NEGR1: variants seen among roughly 807,000 people sequenced by gnomAD.
NEGR1 encodes neuronal growth regulator 1, also known as IgLON family member 4.
A neutral mutation model predicts 40.9 loss-of-function variants in NEGR1; 10 were observed. The ratio of observed to expected loss-of-function variants is 0.24; its 90% CI spans 0.15 to 0.42. The LOEUF is 0.42. Among genes scored for constraint, NEGR1 ranks in the 10% least tolerant of loss-of-function variants. The probability of loss-of-function intolerance (pLI) is 1.00; values close to 1 mark genes in which losing one functional copy is unlikely to be tolerated. For synonymous variants in NEGR1, 185 were observed against 166.8 expected, an observed-to-expected ratio of 1.11 and a Z score of -0.84; for missense variants, 352 against 438.9, an observed-to-expected ratio of 0.80 and a Z score of 1.77.
intron 4 of NEGR1, among the ~76,000 whole-genome samples, chr1:71,627,352 C>T (rs572482421): frequency 1.3e-5 from 2 of 152,108 alleles, no homozygotes; most frequent in East Asian, 1.9e-4. Context: ...ACATGTAACA[C>T]TATATAACTA....
chr1:72,270,622 C>T (rs1204383951), intron 1 of NEGR1, among the ~76,000 whole-genome samples: 2 of 151,896 alleles, frequency 1.3e-5, no homozygotes, highest in Non-Finnish European at 2.9e-5. Flanking sequence ...CACAAATGTT[C>T]ATCTTCATCC....
chr1:72,201,070 ATC>A (rs1464535438), intron 1 of NEGR1, among the ~76,000 whole-genome samples: 1 of 151,600 alleles, frequency 6.6e-6, no homozygotes, highest in Non-Finnish European at 1.5e-5. Context: ...TCACTTGAAA[ATC>A]TCTCTCATTT....
chr1:71,988,783 A>G (rs11805353), intron 1 of NEGR1, among the ~76,000 whole-genome samples: 1 of 151,572 alleles, frequency 6.6e-6, no homozygotes, highest in Non-Finnish European at 1.5e-5. Context: ...GAGAACAAAC[A>G]CCTGCCACAG....
chr1:71,597,981 A>G (rs1762737), intron 5 of NEGR1, among the ~76,000 whole-genome samples: 5,390 of 152,256 alleles, frequency 0.035, 322 homozygotes, highest in African/African-American at 0.12. Context: ...AAATCGACAC[A>G]CAGAAAACTT....
intron 1 of NEGR1, among the ~76,000 whole-genome samples, chr1:72,020,396 G>C (rs1646746550): frequency 6.6e-6 from 1 of 152,106 alleles, no homozygotes; most frequent in South Asian, 2.1e-4. Context: ...CTAAAAAGTA[G>C]CACCTTTGGT....
At chr1:71,731,016 T>A (rs1163572215) in intron 3 of NEGR1, among the ~76,000 whole-genome samples, 3 of 151,946 alleles carry the variant, frequency 2.0e-5, no homozygotes, top group Non-Finnish European at 4.4e-5. Flanking sequence ...ATTACTGGGC[T>A]TTTTACTTTT....
chr1:71,777,035 A>C (rs192162308), intron 2 of NEGR1, among the ~76,000 whole-genome samples: 1 of 152,170 alleles, frequency 6.6e-6, no homozygotes, highest in Admixed American at 6.5e-5. Context: ...CTGATGTATT[A>C]GACTAGAGAA....
intron 1 of NEGR1, chr1:72,274,845 C>T: frequency 1.3e-6 from 2 of 1,567,362 alleles, no homozygotes; most frequent in Non-Finnish European, 8.8e-7. Context: ...TCCTCAGCCA[C>T]CCCATCAAGA....
intron 1 of NEGR1, among the ~76,000 whole-genome samples, chr1:72,059,655 C>G (rs1353449742): frequency 1.3e-5 from 2 of 151,532 alleles, no homozygotes; most frequent in African/African-American, 4.8e-5. Context: ...TTACAAGTAA[C>G]AAAATAAAAC....
Position 71,872,148 on chromosome 1 carries a change from C to T in NEGR1, c.409+62931G>A, listed in dbSNP as rs182696869. On this transcript the variant is annotated intron_variant, in intron 2 of 6. Coordinates refer to ENST00000357731, the MANE Select transcript of NEGR1 (RefSeq NM_173808.3). The stretch of plus-strand genomic sequence containing the variant: ...AATTGCTTAAAAGTTTCTAAATTAA[C>T]CTTATGATAATATTATGATTAAATA... Among the ~76,000 whole-genome samples the T allele has an allele frequency of 3.9e-5, 6 of 152,196 alleles. No homozygotes were observed. In the East Asian group the frequency reaches 1.2e-3, roughly 29 times the overall value.
At chr1:72,072,481 G>GAC (rs1304163430) in intron 1 of NEGR1, among the ~76,000 whole-genome samples, 2 of 152,128 alleles carry the variant, frequency 1.3e-5, no homozygotes, top group African/African-American at 4.8e-5. Context: ...TTTATTTGCA[G>GAC]ACAGACCTGC....
At chr1:72,242,808 C>A (rs1020492612) in intron 1 of NEGR1, among the ~76,000 whole-genome samples, 1 of 151,554 alleles carries the variant, frequency 6.6e-6, no homozygotes, top group Non-Finnish European at 1.5e-5. Flanking sequence ...TGCAAAGTCA[C>A]TAATTAATAA....
At chr1:71,741,855 G>C (rs1655223171) in intron 3 of NEGR1, among the ~76,000 whole-genome samples, 1 of 152,118 alleles carries the variant, frequency 6.6e-6, no homozygotes, top group South Asian at 2.1e-4. Flanking sequence ...GAGCAAGAGA[G>C]AGCAAGGAGC....
At chr1:71,548,628 A>G (rs1647978170) in intron 6 of NEGR1, among the ~76,000 whole-genome samples, 1 of 151,680 alleles carries the variant, frequency 6.6e-6, no homozygotes, top group Non-Finnish European at 1.5e-5. Flanking sequence ...GCAACGTTTC[A>G]TCTCATATGC....
intron 2 of NEGR1, among the ~76,000 whole-genome samples, chr1:71,825,260 T>C (rs1658578201): frequency 6.6e-6 from 1 of 151,992 alleles, no homozygotes; most frequent in Non-Finnish European, 1.5e-5. Flanking sequence ...CTTCTTTTCA[T>C]ATGTAAATCA....
chr1:72,039,234 G>T (rs2100453196), intron 1 of NEGR1, among the ~76,000 whole-genome samples: 1 of 152,138 alleles, frequency 6.6e-6, no homozygotes, highest in Non-Finnish European at 1.5e-5. Context: ...GAAGGAATGT[G>T]AATATTGTGC....
chr1:71,419,373 A>T (rs1646377979), intron 6 of NEGR1, among the ~76,000 whole-genome samples: 2 of 152,220 alleles, frequency 1.3e-5, no homozygotes, highest in Admixed American at 1.3e-4. Context: ...TTGGATAAAT[A>T]TATCTGTTGA....
At chr1:71,621,483 A>G (rs990741927) in intron 4 of NEGR1, among the ~76,000 whole-genome samples, 2 of 151,936 alleles carry the variant, frequency 1.3e-5, no homozygotes, top group African/African-American at 4.8e-5. Context: ...GAAAGACAAT[A>G]AGTGAAATTT....
At chr1:71,864,622 T>A (rs1432941872) in intron 2 of NEGR1, among the ~76,000 whole-genome samples, 1 of 152,080 alleles carries the variant, frequency 6.6e-6, no homozygotes, top group Non-Finnish European at 1.5e-5. Flanking sequence ...AGCACCTTCA[T>A]CTGACAGAAA....
Sources: gnomAD v4.1 joint callset for allele counts (sites outside exome capture counted in the v4.1 genomes callset) on GRCh38, gnomAD v4.1.1 for gene constraint, MANE v1.5 for transcripts, NCBI Gene and HGNC (gene_info 2026-07-23, HGNC 2026-07-21) for gene names.